The following SCML2 variants were observed in gnomAD, a reference collection of about 807,000 sequenced individuals.
SCML2 encodes the protein Scm polycomb group protein like 2.
SCML2 carries 6 observed loss-of-function variants against 48.4 expected under a neutral mutation model. That is an observed-to-expected ratio of 0.12 (90% CI 0.07 to 0.24). SCML2 has a LOEUF of 0.24. Among genes scored for constraint, SCML2 ranks in the 10% least tolerant of loss-of-function variants. The probability of loss-of-function intolerance (pLI) is 1.00; values close to 1 mark genes in which losing one functional copy is unlikely to be tolerated. For missense variants in SCML2, 377 were observed against 528.2 expected (o/e 0.71, Z 2.81); for synonymous variants, 181 against 189.5 (o/e 0.95, Z 0.37).
chrX:18,324,127 T>C (rs1448509149), intron 4 of SCML2, 34 bp from the exon 5 acceptor site: 1 of 946,194 alleles, frequency 1.1e-6, no homozygotes, highest in East Asian at 3.3e-5. Context: ...TTAAAATGCA[T>C]CAACTATAAG....
At chrX:18,257,113 G>C (rs942538984) in intron 10 of SCML2, 83 bp from the exon 11 acceptor site, 1 of 603,133 alleles carries the variant, frequency 1.7e-6, no homozygotes, top group African/African-American at 2.3e-5. Flanking sequence ...TATCACCTTA[G>C]GAAAGGTATT....
chrX:18,315,688 C>T (rs1929098834), intron 6 of SCML2, among the ~76,000 whole-genome samples: 1 of 111,813 alleles, frequency 8.9e-6, no homozygotes, highest in Non-Finnish European at 1.9e-5. Flanking sequence ...GCAAGGACAT[C>T]TATCCAGTAA....
At position 18,239,626 on chromosome X, in the gene SCML2, T is replaced by G. The variant is rs1463018319; in HGVS notation, c.*1625A>C. 8.9e-6 allele frequency: 1 copy of G among 112,940 alleles called. No individual in the cohort carries two copies. Among genetic ancestry groups the G allele is most frequent in the Non-Finnish European group, 1.9e-5 (1 of 53,361 alleles). The allele number at this position is 112,940 out of a possible 1,213,427, so 9.3% of individuals were successfully genotyped here. The stretch of plus-strand genomic sequence containing the variant: ...TACTTTTATAACTGATTCTCATAGC[T>G]TATAAACATTACATCAAAGTTACAC... On this transcript the variant is annotated 3_prime_UTR_variant, in exon 15 of 15. Transcript: ENST00000251900.
chrX:18,265,899 A>AAATGGT, intron 7 of SCML2, 97 bp from the exon 8 acceptor site: 1 of 580,416 alleles, frequency 1.7e-6, no homozygotes, highest in Non-Finnish European at 2.6e-6. Context: ...CTTTAAAACC[A>AAATGGT]TTTCCAAAGG....
At chrX:18,343,863 CT>C (rs1385654851) in intron 1 of SCML2, among the ~76,000 whole-genome samples, 1 of 94,743 alleles carries the variant, frequency 1.1e-5, no homozygotes, top group Non-Finnish European at 2.1e-5. Flanking sequence ...GGCAAGAGGA[CT>C]GCTTGAGCTC....
chrX:18,256,769 T>C, intron 11 of SCML2, 79 bp downstream of exon 11: 1 of 819,067 alleles, frequency 1.2e-6, no homozygotes, highest in South Asian at 3.8e-5. Flanking sequence ...AATGTTTACT[T>C]TGAGGAGAAC....
At chrX:18,242,347 C>T (rs1489086045) in intron 14 of SCML2, 92 bp downstream of exon 14, 2 of 950,806 alleles carry the variant, frequency 2.1e-6, no homozygotes, top group East Asian at 6.9e-5. Flanking sequence ...GATAGGGTTC[C>T]CCCACCATCC....
chrX:18,300,217 T>C, intron 7 of SCML2, among the ~76,000 whole-genome samples: 1 of 108,788 alleles, frequency 9.2e-6, no homozygotes, highest in African/African-American at 3.3e-5. Context: ...CTGGGTAACA[T>C]GGTGAAACCC....
chrX:18,332,679 A>G (rs751011375), intron 2 of SCML2, among the ~76,000 whole-genome samples: 6 of 112,045 alleles, frequency 5.4e-5, no homozygotes, highest in Non-Finnish European at 7.5e-5. Context: ...TCACATCACA[A>G]AAAGAGATAA....
At chrX:18,258,872 T>A (rs986703902) in intron 9 of SCML2, among the ~76,000 whole-genome samples, 10 of 111,820 alleles carry the variant, frequency 8.9e-5, no homozygotes, top group Non-Finnish European at 1.9e-4. Context: ...AATAAAAGCA[T>A]ATGATATAGA....
intron 9 of SCML2, among the ~76,000 whole-genome samples, chrX:18,259,187 C>T (rs144827486): frequency 0.041 from 4,473 of 107,912 alleles, 244 homozygotes; most frequent in African/African-American, 0.14. Context: ...CACTTGAACC[C>T]GGGAGGCAGA....
At chrX:18,306,062 A>G in intron 6 of SCML2, among the ~76,000 whole-genome samples, 1 of 111,534 alleles carries the variant, frequency 9.0e-6, no homozygotes, top group Non-Finnish European at 1.9e-5. Context: ...TGTTCAAATT[A>G]AAAGAGAAAA....
chrX:18,338,443 TAA>T (rs776595733), intron 1 of SCML2, among the ~76,000 whole-genome samples: 2 of 68,018 alleles, frequency 2.9e-5, no homozygotes, highest in African/African-American at 5.6e-5. Flanking sequence ...GACTCTGTCT[TAA>T]AAAAAAAAAA....
chrX:18,350,528 A>C (rs1424811984), intron 1 of SCML2, among the ~76,000 whole-genome samples: 1 of 107,476 alleles, frequency 9.3e-6, no homozygotes, highest in Non-Finnish European at 1.9e-5. Context: ...GTGAGCTGAG[A>C]TCGTGCCACT....
intron 9 of SCML2, among the ~76,000 whole-genome samples, 186 bp downstream of exon 9, chrX:18,259,985 T>A (rs1047232899): frequency 8.9e-6 from 1 of 112,238 alleles, no homozygotes; most frequent in Non-Finnish European, 1.9e-5. Context: ...ATTTAAAGAC[T>A]TTTTCCTTAA....
At chrX:18,341,240 GA>G in intron 1 of SCML2, 1 of 680,695 alleles carries the variant, frequency 1.5e-6, no homozygotes, top group Non-Finnish European at 2.1e-6. Flanking sequence ...AGACATAGGG[GA>G]AATCGCCAGC....
At chrX:18,270,221 T>G (rs2093414319) in intron 7 of SCML2, among the ~76,000 whole-genome samples, 1 of 109,839 alleles carries the variant, frequency 9.1e-6, no homozygotes, top group Admixed American at 9.8e-5. Flanking sequence ...AGCGACTGGG[T>G]TTCACCATGT....
chrX:18,317,972 A>G (rs1161418732), intron 6 of SCML2, among the ~76,000 whole-genome samples: 1 of 111,411 alleles, frequency 9.0e-6, no homozygotes, highest in Non-Finnish European at 1.9e-5. Flanking sequence ...CTTGATTCCC[A>G]TCCCCTGCCC....
At chrX:18,254,804 A>C (rs1473757475) in intron 11 of SCML2, among the ~76,000 whole-genome samples, 1 of 111,094 alleles carries the variant, frequency 9.0e-6, no homozygotes, top group Non-Finnish European at 1.9e-5. Context: ...GGTACCTGCA[A>C]TCCCAGCTAT....
Sources: allele counts gnomAD v4.1 joint callset (sites outside exome capture counted in the v4.1 genomes callset), GRCh38; gene constraint gnomAD v4.1.1; transcripts MANE v1.5; gene names NCBI Gene and HGNC (gene_info 2026-07-23, HGNC 2026-07-21).